The following CHL1 variants were observed in gnomAD, a reference collection of about 807,000 sequenced individuals.
The protein encoded by CHL1 is cell adhesion molecule L1 like.
In CHL1, 96 loss-of-function variants were observed where a neutral mutation model predicts 141.9. The ratio of observed to expected loss-of-function variants is 0.68; its 90% CI spans 0.57 to 0.80. CHL1 has a LOEUF of 0.80. Ranked by LOEUF, CHL1 falls within the 30% of genes least tolerant of loss-of-function variation. The pLI is 0.00. For synonymous variants in CHL1, 613 were observed against 502.2 expected (o/e 1.22, Z -2.95); for missense variants, 1,820 against 1,457.2 (o/e 1.25, Z -4.05).
Position 316,924 on chromosome 3 carries a change from C to T in CHL1, c.-94-2759C>T, listed in dbSNP as rs536607782. ...GATAAATGGGAATATAATTTTATTG[C>T]TATCTTACTGTTGCAAAATGGAATT... On this transcript the variant is annotated intron_variant, in intron 2 of 27. Transcript: ENST00000256509. 2.0e-5 allele frequency among the ~76,000 whole-genome samples: 3 copies of T among 152,116 alleles called. No individual in the cohort carries two copies. The South Asian group carries it at 6.2e-4, about 32-fold the overall frequency.
intron 9 of CHL1, 107 bp downstream of exon 9, chr3:344,816 C>A: frequency 8.3e-7 from 1 of 1,204,932 alleles, no homozygotes; most frequent in South Asian, 1.7e-5. Flanking sequence ...AAATTATTTC[C>A]TTAAAAAAAT....
At chr3:242,365 G>A (rs575705886) in intron 1 of CHL1, among the ~76,000 whole-genome samples, 2 of 145,722 alleles carry the variant, frequency 1.4e-5, no homozygotes, top group Non-Finnish European at 3.0e-5. Context: ...GGGAGGCTGA[G>A]GGGGGCAGAT....
chr3:237,257 A>C (rs910803856), intron 1 of CHL1, among the ~76,000 whole-genome samples: 14 of 152,244 alleles, frequency 9.2e-5, no homozygotes, highest in African/African-American at 3.4e-4. Context: ...AGTGTGTGGA[A>C]GTTCCCCACT....
chr3:306,691 C>CA (rs955169139), intron 2 of CHL1, among the ~76,000 whole-genome samples: 75 of 150,724 alleles, frequency 5.0e-4, no homozygotes, highest in Admixed American at 1.1e-3. Context: ...AATGTGATGA[C>CA]AAAAAAAATA....
At chr3:204,397 T>C (rs745363102) in intron 1 of CHL1, among the ~76,000 whole-genome samples, 2 of 152,264 alleles carry the variant, frequency 1.3e-5, no homozygotes, top group Non-Finnish European at 2.9e-5. Context: ...AGTATCCTTC[T>C]TCTTTGTTAT....
At chr3:283,002 T>A (rs1215539545) in intron 2 of CHL1, among the ~76,000 whole-genome samples, 5 of 152,230 alleles carry the variant, frequency 3.3e-5, no homozygotes, top group African/African-American at 4.8e-5. Context: ...GGTGGTTTTC[T>A]AACAGCTCCT....
At chr3:359,388 C>G (rs1704005776) in intron 11 of CHL1, among the ~76,000 whole-genome samples, 1 of 152,052 alleles carries the variant, frequency 6.6e-6, no homozygotes, top group African/African-American at 2.4e-5. Context: ...ACTGTAACCT[C>G]CACCTCCTGG....
chr3:362,208 A>G (rs760179563), intron 13 of CHL1, among the ~76,000 whole-genome samples: 1 of 152,214 alleles, frequency 6.6e-6, no homozygotes, highest in Non-Finnish European at 1.5e-5. Flanking sequence ...TGTGCTTAAG[A>G]CTTTTCCAGC....
chr3:375,169 T>C (rs996366264), intron 15 of CHL1, among the ~76,000 whole-genome samples: 1 of 152,132 alleles, frequency 6.6e-6, no homozygotes, highest in Non-Finnish European at 1.5e-5. Flanking sequence ...CCATAGACCA[T>C]ACAGGCTATA....
intron 2 of CHL1, among the ~76,000 whole-genome samples, chr3:291,203 CTA>C (rs889629151): frequency 6.6e-6 from 1 of 151,754 alleles, no homozygotes; most frequent in African/African-American, 2.4e-5. Flanking sequence ...CAAAAAGGAA[CTA>C]TGTTAATTTT....
At chr3:273,324 C>T (rs923903454) in intron 2 of CHL1, among the ~76,000 whole-genome samples, 1 of 152,096 alleles carries the variant, frequency 6.6e-6, no homozygotes, top group Non-Finnish European at 1.5e-5. Context: ...GTTAGTTTGC[C>T]CCACCTGGAC....
chr3:346,627 G>A (rs902726989), intron 9 of CHL1, among the ~76,000 whole-genome samples: 1 of 152,158 alleles, frequency 6.6e-6, no homozygotes, highest in African/African-American at 2.4e-5. Context: ...GAAAATATAT[G>A]TTGTTGTGAG....
chr3:288,400 G>A (rs979990506), intron 2 of CHL1, among the ~76,000 whole-genome samples: 2 of 151,848 alleles, frequency 1.3e-5, no homozygotes, highest in Admixed American at 6.6e-5. Context: ...TATCCAGAAG[G>A]TAATTAGCAA....
intron 2 of CHL1, chr3:248,402 T>G (rs1279602414): frequency 6.6e-6 from 1 of 152,120 alleles, no homozygotes; most frequent in Non-Finnish European, 1.5e-5. Flanking sequence ...AATTACATTT[T>G]AAAGCATAGG....
intron 2 of CHL1, among the ~76,000 whole-genome samples, chr3:254,884 T>A (rs937133085): frequency 1.3e-5 from 2 of 152,182 alleles, no homozygotes; most frequent in African/African-American, 4.8e-5. Flanking sequence ...CAGTTAATAC[T>A]ATCACATTGA....
intron 1 of CHL1, among the ~76,000 whole-genome samples, chr3:219,745 A>G (rs977495488): frequency 6.6e-6 from 1 of 152,180 alleles, no homozygotes; most frequent in Non-Finnish European, 1.5e-5. Context: ...AACTAATGGG[A>G]ACTAGGCTTA....
chr3:261,571 A>T (rs1263059582), intron 2 of CHL1, among the ~76,000 whole-genome samples: 1 of 152,142 alleles, frequency 6.6e-6, no homozygotes. Flanking sequence ...CTAAGATCTT[A>T]CTTGTAAAAT....
chr3:234,423 A>G (rs1384069649), intron 1 of CHL1, among the ~76,000 whole-genome samples: 1 of 152,114 alleles, frequency 6.6e-6, no homozygotes, highest in Non-Finnish European at 1.5e-5. Context: ...ATTGTCTCCC[A>G]AGGTTCACTG....
chr3:275,596 T>C (rs990927514), intron 2 of CHL1, among the ~76,000 whole-genome samples: 1 of 152,214 alleles, frequency 6.6e-6, no homozygotes, highest in African/African-American at 2.4e-5. Flanking sequence ...AGCTAGCAGA[T>C]GGTTTTCATG....
Sources: gnomAD v4.1 joint callset for allele counts (sites outside exome capture counted in the v4.1 genomes callset) on GRCh38, gnomAD v4.1.1 for gene constraint, MANE v1.5 for transcripts, NCBI Gene and HGNC (gene_info 2026-07-23, HGNC 2026-07-21) for gene names.